Variants in ERC2 observed in about 807,000 individuals in gnomAD.
The protein encoded by ERC2 is ERC protein 2.
Under a neutral mutation model 114.8 loss-of-function variants are expected in ERC2, and 42 were observed. That is an observed-to-expected ratio of 0.37 (90% CI 0.29 to 0.47). The LOEUF is 0.47. Ranked by LOEUF, ERC2 falls within the 20% of genes least tolerant of loss-of-function variation. The pLI is 0.99. For synonymous variants in ERC2, 454 were observed against 425.5 expected (o/e 1.07, Z -0.82); for missense variants, 939 against 1,150.7 (o/e 0.82, Z 2.66).
At chr3:55,999,077 C>T (rs2149541959) in intron 10 of ERC2, among the ~76,000 whole-genome samples, 1 of 152,238 alleles carries the variant, frequency 6.6e-6, no homozygotes, top group Middle Eastern at 3.4e-3. Context: ...TGAAAGACTC[C>T]CGATACCATC....
At position 56,101,936 on chromosome 3, in the gene ERC2, C is replaced by T. The variant is rs1268733835; in HGVS notation, c.1474-20952G>A. 2.6e-5 allele frequency among the ~76,000 whole-genome samples: 4 copies of T among 152,134 alleles called. No individual in the cohort carries two copies. In the South Asian group the frequency reaches 6.2e-4, roughly 24 times the overall value. Reference sequence around the variant, plus strand: ...CAGCTTTTCCCTCATCCTCTGCAACCGGTGTTGGTGTTGGGAGCATAAAAA... The same window carrying T: ...CAGCTTTTCCCTCATCCTCTGCAACTGGTGTTGGTGTTGGGAGCATAAAAA... On this transcript the variant is annotated intron_variant, in intron 6 of 17. Coordinates refer to ENST00000288221, the MANE Select transcript of ERC2 (RefSeq NM_015576.3).
intron 10 of ERC2, among the ~76,000 whole-genome samples, chr3:56,004,472 T>C (rs1183416503): frequency 6.6e-6 from 1 of 152,084 alleles, no homozygotes; most frequent in Non-Finnish European, 1.5e-5. Context: ...CCATTTGTCA[T>C]CACAAAGTAT....
At chr3:56,461,945 A>G (rs1271219280) in intron 1 of ERC2, among the ~76,000 whole-genome samples, 3 of 152,246 alleles carry the variant, frequency 2.0e-5, no homozygotes, top group Non-Finnish European at 4.4e-5. Flanking sequence ...AGACACAGAC[A>G]GTTAAAGTAA....
chr3:56,395,647 C>T (rs1361712976), intron 2 of ERC2, among the ~76,000 whole-genome samples: 1 of 152,174 alleles, frequency 6.6e-6, no homozygotes, highest in East Asian at 1.9e-4. Flanking sequence ...TTCCTGTTGG[C>T]CCTCTGCAAT....
chr3:56,391,787 A>T (rs2060137867), intron 2 of ERC2, among the ~76,000 whole-genome samples: 1 of 152,162 alleles, frequency 6.6e-6, no homozygotes, highest in South Asian at 2.1e-4. Flanking sequence ...TCTTGGGGGG[A>T]GAAAAATGTG....
At chr3:56,020,866 T>G (rs2073668685) in intron 7 of ERC2, among the ~76,000 whole-genome samples, 1 of 152,138 alleles carries the variant, frequency 6.6e-6, no homozygotes, top group African/African-American at 2.4e-5. Flanking sequence ...TGTGCACTTA[T>G]GTCATAATCC....
intron 17 of ERC2, among the ~76,000 whole-genome samples, chr3:55,541,575 G>A (rs1302840802): frequency 4.6e-5 from 7 of 152,178 alleles, no homozygotes; most frequent in Admixed American, 1.3e-4. Flanking sequence ...GACTATCTCT[G>A]ACTATCTCTG....
intron 17 of ERC2, chr3:55,610,520 C>CAT (rs2058863401): frequency 6.6e-6 from 1 of 151,786 alleles, no homozygotes; most frequent in African/African-American, 2.5e-5. Context: ...CACACACACA[C>CAT]ACACACACAC....
chr3:55,919,819 G>A (rs557960242), intron 13 of ERC2, among the ~76,000 whole-genome samples: 19 of 152,130 alleles, frequency 1.2e-4, no homozygotes, highest in Non-Finnish European at 2.4e-4. Context: ...CAGGGGAAGG[G>A]CATTTTAGGC....
intron 7 of ERC2, among the ~76,000 whole-genome samples, chr3:56,068,714 A>G (rs1372150652): frequency 6.6e-6 from 1 of 152,118 alleles, no homozygotes; most frequent in African/African-American, 2.4e-5. Context: ...ACACTGCTTT[A>G]GCTGTGTTCC....
intron 17 of ERC2, among the ~76,000 whole-genome samples, chr3:55,675,899 C>CTTTTTTTTTTTTTTTTTTTTTTTT (rs2061771739): frequency 1.7e-5 from 1 of 58,122 alleles, no homozygotes; most frequent in Non-Finnish European, 3.2e-5. Context: ...TTTCTCTTTT[C>CTTTTTTTTTTTTTTTTTTTTTTTT]TTTCTTTTTT....
intron 16 of ERC2, among the ~76,000 whole-genome samples, chr3:55,684,307 A>AAC (rs938592742): frequency 4.7e-5 from 7 of 148,860 alleles, no homozygotes; most frequent in African/African-American, 9.8e-5. Flanking sequence ...AAGAATTAAA[A>AAC]ACACACACAC....
intron 2 of ERC2, among the ~76,000 whole-genome samples, chr3:56,431,224 C>T (rs2061775866): frequency 6.6e-6 from 1 of 152,126 alleles, no homozygotes. Flanking sequence ...AAGATTGCTC[C>T]CCAAACTTTA....
chr3:55,909,411 C>T (rs953161461), intron 13 of ERC2, among the ~76,000 whole-genome samples: 37 of 152,336 alleles, frequency 2.4e-4, no homozygotes, highest in Non-Finnish European at 4.3e-4. Context: ...TCCCAAGAAT[C>T]TGGGATCTTG....
At chr3:56,272,197 G>T (rs115803805) in intron 3 of ERC2, among the ~76,000 whole-genome samples, 5 of 152,076 alleles carry the variant, frequency 3.3e-5, no homozygotes, top group Non-Finnish European at 5.9e-5. Context: ...ACCCTTCTTC[G>T]CAATTCAAAG....
intron 16 of ERC2, among the ~76,000 whole-genome samples, chr3:55,692,089 T>C (rs2062698863): frequency 6.6e-6 from 1 of 152,194 alleles, no homozygotes; most frequent in Non-Finnish European, 1.5e-5. Flanking sequence ...ACAGAATTCA[T>C]CTTCTGGGGG....
chr3:55,533,658 G>A (rs1267206492), intron 17 of ERC2, among the ~76,000 whole-genome samples: 8 of 152,162 alleles, frequency 5.3e-5, no homozygotes, highest in Admixed American at 5.2e-4. Flanking sequence ...TCAGGCCACT[G>A]GGGCTGGTGT....
intron 3 of ERC2, among the ~76,000 whole-genome samples, chr3:56,203,633 C>CTCAATATGATATGACATATCAGGGAT (rs1158272361): frequency 2.6e-5 from 4 of 152,136 alleles, no homozygotes; most frequent in Non-Finnish European, 4.4e-5. Flanking sequence ...TGAGTATCCC[C>CTCAATATGATATGACATATCAGGGAT]TGAATCATCC....
chr3:56,092,097 C>A (rs1479774785), intron 6 of ERC2, among the ~76,000 whole-genome samples: 1 of 152,052 alleles, frequency 6.6e-6, no homozygotes, highest in Non-Finnish European at 1.5e-5. Context: ...AATTTGAATT[C>A]AAAAAATAGA....
Sources: allele counts gnomAD v4.1 joint callset (sites outside exome capture counted in the v4.1 genomes callset), GRCh38; gene constraint gnomAD v4.1.1; transcripts MANE v1.5; gene names NCBI Gene and HGNC (gene_info 2026-07-23, HGNC 2026-07-21).